The following HMCN2 variants were observed in gnomAD, a reference collection of about 807,000 sequenced individuals.
HMCN2 encodes hemicentin 2, also known as hemicentin-2.
Under a neutral mutation model 377.5 loss-of-function variants are expected in HMCN2, and 325 were observed. That is an observed-to-expected ratio of 0.86 (90% CI 0.79 to 0.94). The LOEUF is 0.94. HMCN2 is among the 40% of genes least tolerant of loss of function. The probability of loss-of-function intolerance (pLI) is 0.00; values close to 1 mark genes in which losing one functional copy is unlikely to be tolerated. For missense variants in HMCN2, 4,543 were observed against 4,725.3 expected (o/e 0.96, Z 1.13); for synonymous variants, 2,007 against 2,046.8 (o/e 0.98, Z 0.53).
At position 130,433,353 on chromosome 9, in the gene HMCN2, G is replaced by A; in HGVS notation, c.14900G>A (p.Cys4967Tyr). The change falls in exon 98 of 98, where the codon TGC becomes TAC. Residue 4967 changes from cysteine (C) to tyrosine (Y), a missense_variant. By Grantham distance (194) the Cys-to-Tyr change is radical (BLOSUM62 -2). Coordinates refer to ENST00000683500, the MANE Select transcript of HMCN2 (RefSeq NM_001291815.2). ...TYRQGPSPGT[C>Y]FRRCSQDCGT... Reference sequence around the variant, plus strand: ...TGTGTCTGTGCCGCCCGCAGGACGTGCTTCCGGCGCTGCTCGCAGGACTGC... The same window carrying A: ...TGTGTCTGTGCCGCCCGCAGGACGTACTTCCGGCGCTGCTCGCAGGACTGC... The A allele has an allele frequency of 6.9e-7, 1 of 1,449,120 alleles. No homozygotes were observed. Among genetic ancestry groups the A allele is most frequent in the South Asian group, 1.4e-5 (1 of 72,632 alleles). 89.8% of individuals were successfully genotyped at this position (1,449,120 alleles called of 1,614,324 possible).
chr9:130,359,969 C>T (rs907900822), intron 37 of HMCN2, among the ~76,000 whole-genome samples: 2 of 152,256 alleles, frequency 1.3e-5, no homozygotes, highest in East Asian at 1.9e-4. Context: ...CAGATACACG[C>T]GGTCCAGCCT....
Position 130,382,914 on chromosome 9 carries a change from C to T in HMCN2, c.8733+48C>T, listed in dbSNP as rs2131639452. On this transcript the variant is annotated intron_variant, in intron 56 of 97. Transcript: ENST00000683500. ...GCTAGGGGCAGTGGCTGCTGAGGCC[C>T]AGCACCACTTGTCTGGGAGCCAGGG... The T allele has an allele frequency of 3.1e-6, 3 of 956,662 alleles. 1 individual carries two copies. The highest frequency in any genetic ancestry group is 1.1e-3 in the Middle Eastern group (2 of 1,878). The allele number at this position is 956,662 out of a possible 1,614,324, so 59.3% of individuals were successfully genotyped here.
At position 130,433,527 on chromosome 9, in the gene HMCN2, C is replaced by CCCG; in HGVS notation, c.15076_15078dup (p.Arg5026dup). 6.8e-7 allele frequency: 1 copy of CCCG among 1,474,632 alleles called. No individual in the cohort carries two copies. Among genetic ancestry groups the CCCG allele is most frequent in the East Asian group, 2.9e-5 (1 of 34,964 alleles). The allele number at this position is 1,474,632 out of a possible 1,614,324, so 91.3% of individuals were successfully genotyped here. On this transcript the variant is annotated inframe_insertion, in exon 98 of 98. Coordinates refer to ENST00000683500, the MANE Select transcript of HMCN2 (RefSeq NM_001291815.2). The stretch of plus-strand genomic sequence containing the variant: ...GAGCTCAGCATGCTGGAGCCCGACC[C>CCCG]CCGCAGCCCCTTCGCGCTGCGTCCG...
chr9:130,377,849 A>G, intron 53 of HMCN2, 50 bp downstream of exon 53: 1 of 984,648 alleles, frequency 1.0e-6, no homozygotes, highest in Non-Finnish European at 1.2e-6. Context: ...GTGTGAGGAC[A>G]TTGTGGGGCT....
In HMCN2 at chr9:130,308,116, C is replaced by T. The variant is rs1488852019; in HGVS notation, c.2200+550C>T. On this transcript the variant is annotated intron_variant, in intron 14 of 97. Coordinates refer to ENST00000683500, the MANE Select transcript of HMCN2 (RefSeq NM_001291815.2). The surrounding 1 kb of genome is among the most constrained non-coding windows in gnomAD (Gnocchi z 4.1). ...GAATTATAGGCGTGTACCACCAGGC[C>T]TGGCTCATTTTTGTATTTTTAGTAG... Among the ~76,000 whole-genome samples, 3 of 151,976 alleles carry T rather than the reference C, an allele frequency of 2.0e-5. No individual in the cohort carries two copies. Among genetic ancestry groups the T allele is most frequent in the Admixed American group, 1.3e-4 (2 of 15,268 alleles).
chr9:130,301,244 C>G (rs34747374), intron 8 of HMCN2, among the ~76,000 whole-genome samples: 1 of 152,248 alleles, frequency 6.6e-6, no homozygotes, highest in Non-Finnish European at 1.5e-5. Flanking sequence ...GGCCTCTCTT[C>G]CCTTGGCCTT....
At chr9:130,288,673 G>T (rs1206511276) in intron 4 of HMCN2, among the ~76,000 whole-genome samples, 3 of 152,182 alleles carry the variant, frequency 2.0e-5, no homozygotes, top group African/African-American at 7.2e-5. Context: ...CCCCTTGTTT[G>T]CTGAGCTCCT....
At position 130,355,092 on chromosome 9, in the gene HMCN2, G is replaced by A. The variant is rs1450494551; in HGVS notation, c.5146+48G>A. On this transcript the variant is annotated intron_variant, in intron 32 of 97. Transcript: ENST00000683500. ...AGAGCTGCCTGGGCTGTGGACGTCT[G>A]CCCAGGCCTGCTGCGTGCTTGTCCC... The A allele has an allele frequency of 2.5e-6, 3 of 1,220,100 alleles. No individual in the cohort carries two copies. The South Asian group carries it at 4.3e-5, about 17-fold the overall frequency. The allele number at this position is 1,220,100 out of a possible 1,614,324, so 75.6% of individuals were successfully genotyped here. A position where few individuals can be genotyped will look rare whatever the true frequency, so the allele number is the denominator to read the frequency against.
intron 85 of HMCN2, among the ~76,000 whole-genome samples, chr9:130,413,737 A>C (rs1168368128): frequency 1.3e-5 from 2 of 152,148 alleles, no homozygotes; most frequent in Non-Finnish European, 2.9e-5. Flanking sequence ...ACGCATGTGC[A>C]CGTGCGCACA....
At chr9:130,276,478 ATC>A (rs1335244803) in intron 1 of HMCN2, among the ~76,000 whole-genome samples, 1 of 152,180 alleles carries the variant, frequency 6.6e-6, no homozygotes, top group Non-Finnish European at 1.5e-5. Flanking sequence ...TGGCAGAAAT[ATC>A]TCCTTGATTG....
At chr9:130,316,599 A>G (rs1837573788) in intron 15 of HMCN2, among the ~76,000 whole-genome samples, 1 of 152,186 alleles carries the variant, frequency 6.6e-6, no homozygotes, top group Admixed American at 6.5e-5. Flanking sequence ...TCAGCTGACA[A>G]GAGGCTCCTC....
rs966299370 is a variant in HMCN2, at chr9:130,265,943, T to C, written c.65T>C (p.Val22Ala). Reference sequence around the variant, plus strand: ...GTCTCTGCGGCAGTGGCAGTGGCAGTGGCCGGGGCGCCCGGGACGGTAATG... The same window carrying C: ...GTCTCTGCGGCAGTGGCAGTGGCAGCGGCCGGGGCGCCCGGGACGGTAATG... The part of the protein sequence containing the change: ...TAVSAAVAVA[V>A]AGAPGTVMPP... Residue 22 changes from valine (V) to alanine (A), a missense_variant, in exon 1 of 98, where the codon GTG becomes GCG. By Grantham distance (64) the Val-to-Ala change is moderately conservative. Transcript: ENST00000683500. The C allele has an allele frequency of 2.4e-6, 1 of 418,204 alleles. No individual in the cohort carries two copies. Among genetic ancestry groups the C allele is most frequent in the Middle Eastern group, 4.5e-4 (1 of 2,228 alleles). 25.9% of individuals were successfully genotyped at this position (418,204 alleles called of 1,614,324 possible).
intron 50 of HMCN2, 23 bp from the exon 51 acceptor site, chr9:130,375,853 C>T (rs1299578449): frequency 8.1e-6 from 8 of 984,688 alleles, no homozygotes; most frequent in Non-Finnish European, 9.6e-6. Context: ...TTGGGGTGAC[C>T]CTGGCCACTG....
chr9:130,355,454 C>T (rs1244989054), intron 32 of HMCN2, among the ~76,000 whole-genome samples: 3 of 152,204 alleles, frequency 2.0e-5, no homozygotes, highest in South Asian at 2.1e-4. Context: ...GCTGTGTTGA[C>T]CCCAAGCGGC....
chr9:130,302,786 A>C (rs1554934925), intron 8 of HMCN2, 71 bp from the exon 9 acceptor site: 4 of 373,282 alleles, frequency 1.1e-5, no homozygotes, highest in Non-Finnish European at 2.2e-5. Context: ...GCATCCCTAC[A>C]GGTCTCTGTG....
At chr9:130,339,740 C>T (rs1455994942) in intron 23 of HMCN2, among the ~76,000 whole-genome samples, 8 of 152,364 alleles carry the variant, frequency 5.3e-5, no homozygotes, top group Non-Finnish European at 7.3e-5. Flanking sequence ...GGGGCATCCA[C>T]GCTCTCTGTG....
chr9:130,348,155 C>T (rs985333486), intron 26 of HMCN2: 1 of 570,400 alleles, frequency 1.8e-6, no homozygotes, highest in Non-Finnish European at 2.2e-6. Context: ...TCTGGCTAGC[C>T]CTGTAATGAC....
chr9:130,317,743 G>T (rs965905774), intron 15 of HMCN2, among the ~76,000 whole-genome samples: 6 of 147,988 alleles, frequency 4.1e-5, no homozygotes. Context: ...CCGAGATTGC[G>T]CCACTGCACT....
At chr9:130,432,712 G>T in intron 97 of HMCN2, 157 bp downstream of exon 97, 1 of 739,852 alleles carries the variant, frequency 1.4e-6, no homozygotes, top group Non-Finnish European at 2.2e-6. Context: ...GAGTGGGAGA[G>T]AACGGGGACA....
Sources: gnomAD v4.1 joint callset for allele counts (sites outside exome capture counted in the v4.1 genomes callset) on GRCh38, gnomAD v4.1.1 for gene constraint, Gnocchi (gnomAD v3.1) non-coding constraint, MANE v1.5 for transcripts, NCBI Gene and HGNC (gene_info 2026-07-23, HGNC 2026-07-21) for gene names.